Variants in RBBP8 observed in about 807,000 individuals in gnomAD.
RBBP8 encodes the protein RB binding protein 8, endonuclease.
Under a neutral mutation model 108.3 loss-of-function variants are expected in RBBP8, and 88 were observed. The observed-to-expected ratio is 0.81, with a 90% CI of 0.68 to 0.97. The LOEUF (loss-of-function observed/expected upper bound fraction) is 0.97. Among genes scored for constraint, RBBP8 ranks in the 50% least tolerant of loss-of-function variants. The pLI is 0.00. For synonymous variants in RBBP8, 332 were observed against 348.2 expected, an observed-to-expected ratio of 0.95 and a Z score of 0.52; for missense variants, 1,023 against 1,049.0, an observed-to-expected ratio of 0.98 and a Z score of 0.34.
chr18:22,929,309 C>T (rs1366912341), upstream of RBBP8: 10 of 151,958 alleles, frequency 6.6e-5, no homozygotes, highest in African/African-American at 2.2e-4. Flanking sequence ...TTTAAAGAAC[C>T]TCTCAGACTG....
intron 4 of RBBP8, among the ~76,000 whole-genome samples, chr18:22,958,305 A>G (rs1003005915): frequency 4.6e-5 from 7 of 152,254 alleles, no homozygotes; most frequent in Non-Finnish European, 1.0e-4. Context: ...ATCTGATGTC[A>G]TGGCCTTTCT....
intron 16 of RBBP8, among the ~76,000 whole-genome samples, chr18:23,014,534 T>A (rs1380320805): frequency 6.6e-6 from 1 of 152,184 alleles, no homozygotes; most frequent in Non-Finnish European, 1.5e-5. Flanking sequence ...CTCAGGAGGC[T>A]GAGGCAGGGG....
At chr18:22,997,413 C>T (rs1434148161) in intron 13 of RBBP8, among the ~76,000 whole-genome samples, 1 of 152,098 alleles carries the variant, frequency 6.6e-6, no homozygotes, top group East Asian at 1.9e-4. Flanking sequence ...TTTTCCTAGG[C>T]TTGATTATAT....
intron 4 of RBBP8, among the ~76,000 whole-genome samples, chr18:22,958,332 G>A (rs1912760778): frequency 6.6e-6 from 1 of 152,172 alleles, no homozygotes; most frequent in Non-Finnish European, 1.5e-5. Context: ...GAGGGAAATT[G>A]TTTCTAATGT....
chr18:22,929,542 GTGTGTGTGTATGTGTGTGTGT>G (rs1909940127), upstream of RBBP8: 1 of 125,358 alleles, frequency 8.0e-6, no homozygotes, highest in African/African-American at 3.3e-5. Context: ...GTGTGTGTGT[GTGTGTGTGTATGTGTGTGTGT>G]TTAAGAGACA....
At chr18:22,982,778 A>G (rs1184712717) in intron 7 of RBBP8, among the ~76,000 whole-genome samples, 3 of 152,176 alleles carry the variant, frequency 2.0e-5, no homozygotes, top group Non-Finnish European at 4.4e-5. Context: ...TATTATTGCT[A>G]TGTTTTAATT....
chr18:22,931,646 C>G (rs1567940617), upstream of RBBP8, among the ~76,000 whole-genome samples: 1 of 152,084 alleles, frequency 6.6e-6, no homozygotes, highest in African/African-American at 2.4e-5. Context: ...TACATATATT[C>G]ATTTAATCTT....
chr18:22,952,267 A>G (rs551620435), intron 4 of RBBP8, among the ~76,000 whole-genome samples: 27 of 152,342 alleles, frequency 1.8e-4, no homozygotes, highest in Admixed American at 1.8e-3. Context: ...TGTCAAGTAG[A>G]TAGATGTATA....
At position 22,996,410 on chromosome 18, in the gene RBBP8, C is replaced by G. The variant is rs764427590; in HGVS notation, c.1976C>G (p.Pro659Arg). The G allele has an allele frequency of 1.9e-6, 3 of 1,613,420 alleles. No individual in the cohort carries two copies. Among genetic ancestry groups the G allele is most frequent in the Non-Finnish European group, 1.7e-6 (2 of 1,179,840 alleles). The change falls in exon 13 of 19, where the codon CCG (proline) becomes CGG (arginine). Residue 659 changes from proline (P) to arginine (R), a missense_variant. Pro to Arg is a moderately radical substitution (Grantham distance 103). Transcript: ENST00000327155. ...GAAAATATCCAGTGGAGTATAGATCCGGGAGCAGACCTTTCTCAGTATAAA... is the reference window on the plus strand; with the variant it reads ...GAAAATATCCAGTGGAGTATAGATCGGGGAGCAGACCTTTCTCAGTATAAA... ...SFENIQWSID[P>R]GADLSQYKMD...
intron 3 of RBBP8, among the ~76,000 whole-genome samples, chr18:22,927,651 G>A (rs944858437): frequency 5.3e-5 from 8 of 152,042 alleles, no homozygotes; most frequent in Non-Finnish European, 1.0e-4. Flanking sequence ...TTTTTATATT[G>A]ATTACATGTT....
intron 4 of RBBP8, among the ~76,000 whole-genome samples, chr18:22,952,087 T>C (rs1232977889): frequency 6.6e-6 from 1 of 151,890 alleles, no homozygotes; most frequent in Admixed American, 6.6e-5. Context: ...GTTTAATGAG[T>C]AAAGGGGATG....
chr18:23,022,651 TATAAAATAAAATA>T (rs2046380535), intron 18 of RBBP8, among the ~76,000 whole-genome samples: 1 of 84,372 alleles, frequency 1.2e-5, no homozygotes, highest in Admixed American at 1.2e-4. Context: ...TAAAATACAA[TATAAAATAAAATA>T]AAATAAATAA....
intron 4 of RBBP8, among the ~76,000 whole-genome samples, chr18:22,959,561 A>AT (rs1912888281): frequency 2.0e-5 from 3 of 151,950 alleles, no homozygotes; most frequent in African/African-American, 7.3e-5. Flanking sequence ...TCAGAGACTG[A>AT]TTTTTTATCA....
intron 17 of RBBP8, 40 bp from the exon 18 acceptor site, chr18:23,022,089 T>TG: frequency 6.8e-7 from 1 of 1,474,244 alleles, no homozygotes; most frequent in South Asian, 1.1e-5. Flanking sequence ...ACTCCATTTA[T>TG]TATTCTTTAG....
intron 2 of RBBP8, among the ~76,000 whole-genome samples, chr18:22,939,950 G>C (rs1372970959): frequency 6.6e-6 from 1 of 152,124 alleles, no homozygotes; most frequent in Non-Finnish European, 1.5e-5. Flanking sequence ...AGAGAGAATA[G>C]CACATGCAAA....
chr18:23,004,885 G>C (rs114694320), intron 15 of RBBP8: 1 of 152,370 alleles, frequency 6.6e-6, no homozygotes, highest in African/African-American at 2.4e-5. Flanking sequence ...TAAGGGAGCC[G>C]GGCACAGTGG....
At chr18:22,976,734 A>G (rs1388322719) in intron 6 of RBBP8, among the ~76,000 whole-genome samples, 2 of 152,066 alleles carry the variant, frequency 1.3e-5, no homozygotes, top group Non-Finnish European at 2.9e-5. Context: ...TTATGTATGT[A>G]CGTAGCTTAT....
chr18:22,986,956 A>G (rs1915371324), intron 8 of RBBP8, among the ~76,000 whole-genome samples: 2 of 152,108 alleles, frequency 1.3e-5, no homozygotes, highest in African/African-American at 4.8e-5. Context: ...TCTTTGCTCC[A>G]TTATTTGTCC....
In RBBP8 at chr18:22,993,476, C is replaced by G. The variant is rs774328777; in HGVS notation, c.1649C>G (p.Pro550Arg). ...AACTGCACGTTGCCCAAAGATTCCC[C>G]AGGGGAGCCCTGTTCACAGGAATGC... Reference protein sequence around the residue: ...DGNCTLPKDSPGEPCSQECII... With the variant: ...DGNCTLPKDSRGEPCSQECII... Residue 550 changes from proline (P) to arginine (R), a missense_variant, in exon 11 of 19, where the codon CCA becomes CGA. Transcript: ENST00000327155. 6 of 1,614,064 alleles carry G rather than the reference C, an allele frequency of 3.7e-6. No individual in the cohort carries two copies. The African/African-American group carries it at 5.3e-5, about 14-fold the overall frequency.
Sources: allele counts gnomAD v4.1 joint callset (sites outside exome capture counted in the v4.1 genomes callset), GRCh38; gene constraint gnomAD v4.1.1; transcripts MANE v1.5; gene names NCBI Gene and HGNC (gene_info 2026-07-23, HGNC 2026-07-21).